The following FAM20A variants were observed in gnomAD, a reference collection of about 807,000 sequenced individuals.
FAM20A encodes the protein pseudokinase FAM20A.
In FAM20A, 42 loss-of-function variants were observed where a neutral mutation model predicts 52.0. The ratio of observed to expected loss-of-function variants is 0.81; its 90% CI spans 0.63 to 1.04. The LOEUF (loss-of-function observed/expected upper bound fraction) is 1.04. FAM20A is among the 50% of genes least tolerant of loss of function. The probability of loss-of-function intolerance (pLI) is 0.00; values close to 1 mark genes in which losing one functional copy is unlikely to be tolerated. For synonymous variants in FAM20A, 304 were observed against 298.9 expected (o/e 1.02, Z -0.18); for missense variants, 742 against 712.7 (o/e 1.04, Z -0.47).
chr17:68,593,346 CTG>C (rs1183031220), intron 1 of FAM20A, among the ~76,000 whole-genome samples: 1 of 152,208 alleles, frequency 6.6e-6, no homozygotes, highest in Admixed American at 6.5e-5. Flanking sequence ...ATCAAGGTCT[CTG>C]TATTTCCCAT....
intron 1 of FAM20A, among the ~76,000 whole-genome samples, chr17:68,589,752 A>G (rs1457697918): frequency 6.6e-6 from 1 of 152,240 alleles, no homozygotes; most frequent in African/African-American, 2.4e-5. Flanking sequence ...TAATTTATTG[A>G]TATAAATCTA....
intron 1 of FAM20A, among the ~76,000 whole-genome samples, chr17:68,598,301 G>T (rs185054429): frequency 3.3e-5 from 5 of 151,986 alleles, no homozygotes; most frequent in Admixed American, 6.6e-5. Flanking sequence ...CACCCTGCCC[G>T]GCCTTGTGTT....
chr17:68,585,029 T>C (rs2088127909), intron 1 of FAM20A, among the ~76,000 whole-genome samples: 1 of 152,234 alleles, frequency 6.6e-6, no homozygotes, highest in South Asian at 2.1e-4. Flanking sequence ...TTACAGTCTC[T>C]TGGAGTATTT....
chr17:68,548,725 ATT>A (rs753348891), intron 4 of FAM20A, among the ~76,000 whole-genome samples: 1,564 of 79,052 alleles, frequency 0.02, 20 homozygotes, highest in African/African-American at 0.083. Flanking sequence ...ATGCCTGTAT[ATT>A]TTTTTTTTTT....
At chr17:68,540,781 A>C (rs1041502715) in intron 8 of FAM20A, 68 bp downstream of exon 8, 37 of 1,544,622 alleles carry the variant, frequency 2.4e-5, no homozygotes, top group Non-Finnish European at 3.2e-5. Flanking sequence ...TTTGTGCTCA[A>C]GGTCACGGGG....
In FAM20A at chr17:68,554,728, C is replaced by A. The variant is rs779709278; in HGVS notation, c.640+49G>T. 22 of 1,584,968 alleles carry A rather than the reference C, an allele frequency of 1.4e-5. No homozygotes were observed. The South Asian group carries it at 2.2e-4, about 16-fold the overall frequency. On this transcript the variant is annotated intron_variant, in intron 3 of 10. Transcript: ENST00000592554. ...ACTGGAGTGGGTTTTGGGGTTTGCACAGCTGTGAGGGTGAAGAGGCTGGGT... is the reference window on the plus strand; with the variant it reads ...ACTGGAGTGGGTTTTGGGGTTTGCAAAGCTGTGAGGGTGAAGAGGCTGGGT...
intron 3 of FAM20A, among the ~76,000 whole-genome samples, 195 bp downstream of exon 3, chr17:68,554,582 G>A (rs150534895): frequency 9.8e-5 from 15 of 152,296 alleles, no homozygotes; most frequent in East Asian, 7.7e-4. Context: ...ATTGCCCAGC[G>A]GGGCCTATAC....
chr17:68,582,067 A>C (rs1398966929), intron 1 of FAM20A, among the ~76,000 whole-genome samples: 1 of 152,218 alleles, frequency 6.6e-6, no homozygotes, highest in African/African-American at 2.4e-5. Context: ...CCGACTCACC[A>C]GAGGCACGGT....
At chr17:68,578,265 A>C (rs1371266484) in intron 1 of FAM20A, among the ~76,000 whole-genome samples, 1 of 152,162 alleles carries the variant, frequency 6.6e-6, no homozygotes, top group Non-Finnish European at 1.5e-5. Context: ...TGGGCATTTG[A>C]AAGAGAGATG....
chr17:68,562,524 T>C (rs190681386), intron 1 of FAM20A, among the ~76,000 whole-genome samples: 1 of 152,338 alleles, frequency 6.6e-6, no homozygotes, highest in Non-Finnish European at 1.5e-5. Context: ...TCTGTAATTG[T>C]ACAATTAAAC....
Position 68,600,150 on chromosome 17 carries a change from G to A in FAM20A, c.404+113C>T, listed in dbSNP as rs2088572160. The A allele has an allele frequency of 1.6e-6, 2 of 1,278,996 alleles. No individual in the cohort carries two copies. The highest frequency in any genetic ancestry group is 5.1e-5 in the Admixed American group (2 of 39,602). 79.2% of individuals were successfully genotyped at this position (1,278,996 alleles called of 1,614,324 possible). A position where few individuals can be genotyped will look rare whatever the true frequency, so the allele number is the denominator to read the frequency against. ...TAAGCCCAGCGCCAGGGCTGGAGCC[G>A]TGGGTGGAGCCGCTGCAGCCCTGGG... is the stretch of plus-strand genomic sequence containing the variant. On this transcript the variant is annotated intron_variant, in intron 1 of 10. Transcript: ENST00000592554. This position sits in a 1 kb window ranked among gnomAD's most constrained non-coding sequence, Gnocchi z 6.2.
Position 68,542,179 on chromosome 17 carries a change from A to G in FAM20A, c.929-14T>C. 6.2e-7 allele frequency: 1 copy of G among 1,613,448 alleles called. No homozygotes were observed. Reference sequence around the variant, plus strand: ...ACACGTTGCTCGCTGGAGGATGGGGAGGAGAGAGGAGGAGTAAGTGGAGGG... The same window carrying G: ...ACACGTTGCTCGCTGGAGGATGGGGGGGAGAGAGGAGGAGTAAGTGGAGGG... On this transcript the variant is annotated splice_polypyrimidine_tract_variant and intron_variant, in intron 6 of 10. Transcript: ENST00000592554.
chr17:68,600,533 G>C lies in FAM20A; in HGVS notation c.134C>G (p.Pro45Arg). 1 of 1,563,768 alleles carries C rather than the reference G, an allele frequency of 6.4e-7. No individual in the cohort carries two copies. Among genetic ancestry groups the C allele is most frequent in the South Asian group, 1.2e-5 (1 of 85,558 alleles). ...LRPRERPRGC[P>R]CTGRASSLAR... ...CAGGGAGGAGGCGCGGCCGGTGCACGGGCACCCCCGCGGGCGCTCCCGAGG... is the reference window on the plus strand; with the variant it reads ...CAGGGAGGAGGCGCGGCCGGTGCACCGGCACCCCCGCGGGCGCTCCCGAGG... Residue 45 changes from proline (P) to arginine (R), a missense_variant, in exon 1 of 11, where the codon CCG becomes CGG. Coordinates refer to ENST00000592554, the MANE Select transcript of FAM20A (RefSeq NM_017565.4). The surrounding 1 kb of genome is among the most constrained non-coding windows in gnomAD (Gnocchi z 6.2).
chr17:68,579,450 C>A (rs1598064381), intron 1 of FAM20A, among the ~76,000 whole-genome samples: 1 of 151,974 alleles, frequency 6.6e-6, no homozygotes, highest in African/African-American at 2.4e-5. Context: ...TTCTAGCCAA[C>A]CAAACAGAAA....
At chr17:68,550,882 G>T (rs1328120587) in intron 4 of FAM20A, among the ~76,000 whole-genome samples, 3 of 152,230 alleles carry the variant, frequency 2.0e-5, no homozygotes, top group Non-Finnish European at 2.9e-5. Context: ...AAGCAGTTGG[G>T]ACTGAAACTC....
Position 68,600,682 on chromosome 17 carries a change from G to A in FAM20A, c.-16C>T, listed in dbSNP as rs2088600210. The A allele has an allele frequency of 1.3e-6, 2 of 1,532,272 alleles. No individual in the cohort carries two copies. The highest frequency in any genetic ancestry group is 4.9e-5 in the East Asian group (2 of 40,904). The allele number at this position is 1,532,272 out of a possible 1,614,324, so 94.9% of individuals were successfully genotyped here. A position where few individuals can be genotyped will look rare whatever the true frequency, so the allele number is the denominator to read the frequency against. ...GCCCCGGCATGGCGTGCTGGCCAAG[G>A]GGGACGCCGGGGGCAGGCCGGCTGT... On this transcript the variant is annotated 5_prime_UTR_variant, in exon 1 of 11. Transcript: ENST00000592554. This position sits in a 1 kb window ranked among gnomAD's most constrained non-coding sequence, Gnocchi z 6.2.
chr17:68,586,680 C>T (rs1053551725), intron 1 of FAM20A, among the ~76,000 whole-genome samples: 16 of 152,230 alleles, frequency 1.1e-4, no homozygotes, highest in African/African-American at 2.9e-4. Flanking sequence ...CTCTGGATGG[C>T]GTGCTGCCCT....
chr17:68,570,059 C>T (rs2087496483), intron 1 of FAM20A, among the ~76,000 whole-genome samples: 1 of 152,128 alleles, frequency 6.6e-6, no homozygotes, highest in African/African-American at 2.4e-5. Context: ...ATCCTGAGCA[C>T]ATAACAGATG....
chr17:68,541,904 G>GC, intron 7 of FAM20A, 81 bp downstream of exon 7: 1 of 1,504,376 alleles, frequency 6.6e-7, no homozygotes, highest in Non-Finnish European at 9.0e-7. Flanking sequence ...AGATTCAAAA[G>GC]CCAAGCTAGC....
Sources: allele counts gnomAD v4.1 joint callset (sites outside exome capture counted in the v4.1 genomes callset), GRCh38; gene constraint gnomAD v4.1.1; non-coding constraint Gnocchi (gnomAD v3.1); transcripts MANE v1.5; gene names NCBI Gene and HGNC (gene_info 2026-07-23, HGNC 2026-07-21).